The following PIGU variants were observed in gnomAD, a reference collection of about 807,000 sequenced individuals.
PIGU encodes the protein phosphatidylinositol glycan anchor biosynthesis class U, also known as GPI-anchor transamidase component PIGU.
In PIGU, 24 loss-of-function variants were observed where a neutral mutation model predicts 49.9. That is an observed-to-expected ratio of 0.48 (90% CI 0.35 to 0.68). PIGU has a LOEUF of 0.68. Ranked by LOEUF, PIGU falls within the 30% of genes least tolerant of loss-of-function variation. The pLI is 0.01. For synonymous variants in PIGU, 220 were observed against 205.7 expected, an observed-to-expected ratio of 1.07 and a Z score of -0.59; for missense variants, 490 against 532.6, an observed-to-expected ratio of 0.92 and a Z score of 0.79.
At chr20:34,611,412 T>C (rs1043577755) in intron 7 of PIGU, among the ~76,000 whole-genome samples, 1 of 151,934 alleles carries the variant, frequency 6.6e-6, no homozygotes, top group Non-Finnish European at 1.5e-5. Flanking sequence ...TTTGGGAGGC[T>C]GAGGCAGGCA....
At chr20:34,659,567 G>A (rs1986863135) in intron 1 of PIGU, among the ~76,000 whole-genome samples, 1 of 152,210 alleles carries the variant, frequency 6.6e-6, no homozygotes, top group Non-Finnish European at 1.5e-5. Context: ...ACAGCTCATT[G>A]AGAACGGGCC....
At chr20:34,621,421 C>T (rs539481874) in intron 6 of PIGU, among the ~76,000 whole-genome samples, 1 of 152,246 alleles carries the variant, frequency 6.6e-6, no homozygotes, top group African/African-American at 2.4e-5. Flanking sequence ...AGGGCTGGCA[C>T]AGAGAATGCT....
intron 7 of PIGU, among the ~76,000 whole-genome samples, chr20:34,614,469 C>CA (rs1211397079): frequency 2.0e-5 from 3 of 150,422 alleles, no homozygotes; most frequent in Admixed American, 6.6e-5. Context: ...CCCATCTCTA[C>CA]AAAAAATTAG....
intron 1 of PIGU, among the ~76,000 whole-genome samples, chr20:34,674,702 G>A (rs180745518): frequency 2.4e-4 from 37 of 151,922 alleles, no homozygotes; most frequent in African/African-American, 8.2e-4. Context: ...CCAGATGGGC[G>A]GATCACTTGA....
At chr20:34,578,801 G>A (rs1159067599) in intron 10 of PIGU, among the ~76,000 whole-genome samples, 3 of 152,152 alleles carry the variant, frequency 2.0e-5, no homozygotes, top group African/African-American at 7.2e-5. Flanking sequence ...CTGGGGTACG[G>A]GACAGCTTGT....
At chr20:34,579,017 C>G (rs1333460256) in intron 10 of PIGU, 1 of 152,108 alleles carries the variant, frequency 6.6e-6, no homozygotes, top group Non-Finnish European at 1.5e-5. Context: ...GAAAGAAAAT[C>G]TCACCTGAAA....
intron 11 of PIGU, among the ~76,000 whole-genome samples, chr20:34,567,946 C>T (rs188702846): frequency 4.5e-4 from 69 of 152,246 alleles, no homozygotes; most frequent in African/African-American, 1.6e-3. Context: ...CCTTAACAGC[C>T]CAGCTCTGGG....
intron 7 of PIGU, among the ~76,000 whole-genome samples, chr20:34,605,656 T>A (rs1394022433): frequency 1.3e-5 from 2 of 152,206 alleles, no homozygotes; most frequent in African/African-American, 2.4e-5. Context: ...TTGCTCAGGG[T>A]CACAGAGTTA....
intron 11 of PIGU, among the ~76,000 whole-genome samples, chr20:34,572,420 G>A (rs570755435): frequency 2.0e-5 from 3 of 152,050 alleles, no homozygotes; most frequent in African/African-American, 4.8e-5. Flanking sequence ...GTCGAGGCGG[G>A]CAAATCACTT....
intron 9 of PIGU, 114 bp downstream of exon 9, chr20:34,585,323 G>T: frequency 7.8e-7 from 1 of 1,286,922 alleles, no homozygotes; most frequent in Non-Finnish European, 1.1e-6. Context: ...TAGGTGAGAT[G>T]CTCTAAACCT....
chr20:34,630,171 C>T (rs991210110), intron 6 of PIGU, among the ~76,000 whole-genome samples: 5 of 151,898 alleles, frequency 3.3e-5, no homozygotes, highest in African/African-American at 9.7e-5. Context: ...TATGTGCAGC[C>T]AAATGACCAT....
intron 7 of PIGU, among the ~76,000 whole-genome samples, chr20:34,603,544 G>A (rs1376588813): frequency 6.6e-6 from 1 of 152,010 alleles, no homozygotes; most frequent in Non-Finnish European, 1.5e-5. Context: ...ATATATTTAT[G>A]AGTTTTAATC....
At chr20:34,581,444 A>G in intron 10 of PIGU, 104 bp downstream of exon 10, 1 of 1,447,028 alleles carries the variant, frequency 6.9e-7, no homozygotes, top group Non-Finnish European at 9.4e-7. Context: ...TAGTGCTGCC[A>G]GCATAACAGG....
At chr20:34,614,108 C>T (rs530304745) in intron 7 of PIGU, among the ~76,000 whole-genome samples, 71 of 152,006 alleles carry the variant, frequency 4.7e-4, no homozygotes, top group Non-Finnish European at 8.7e-4. Flanking sequence ...GCAGCCTGAG[C>T]AACATGGCAA....
intron 2 of PIGU, among the ~76,000 whole-genome samples, chr20:34,647,931 C>T (rs755247068): frequency 2.7e-4 from 41 of 152,032 alleles, no homozygotes; most frequent in Non-Finnish European, 4.9e-4. Flanking sequence ...TCTGTTTGTT[C>T]TTTCACTGAC....
At chr20:34,589,138 C>T (rs1349461119) in intron 7 of PIGU, among the ~76,000 whole-genome samples, 2 of 115,874 alleles carry the variant, frequency 1.7e-5, no homozygotes, top group East Asian at 2.5e-4. Flanking sequence ...CACACACACA[C>T]ACACACACAC....
chr20:34,642,693 C>CAT (rs11472795), intron 4 of PIGU, among the ~76,000 whole-genome samples: 37,750 of 120,014 alleles, frequency 0.31, 7,231 homozygotes, highest in Admixed American at 0.5. Context: ...ACACATATCT[C>CAT]ATATATATAT....
At chr20:34,579,767 C>T (rs534446712) in intron 10 of PIGU, among the ~76,000 whole-genome samples, 2 of 152,350 alleles carry the variant, frequency 1.3e-5, no homozygotes, top group African/African-American at 4.8e-5. Flanking sequence ...CATCCTTCTT[C>T]TTTGTGCCTC....
chr20:34,594,927 C>T (rs1984134395), intron 7 of PIGU, among the ~76,000 whole-genome samples: 2 of 151,252 alleles, frequency 1.3e-5, no homozygotes, highest in African/African-American at 4.9e-5. Flanking sequence ...CCCGTCTCTA[C>T]TAAAAATACA....
Sources: allele counts gnomAD v4.1 joint callset (sites outside exome capture counted in the v4.1 genomes callset), GRCh38; gene constraint gnomAD v4.1.1; transcripts MANE v1.5; gene names NCBI Gene and HGNC (gene_info 2026-07-23, HGNC 2026-07-21).